Variants in GOLGA8O observed in about 807,000 individuals in gnomAD.
The protein encoded by GOLGA8O is golgin subfamily A member 8O.
A neutral mutation model predicts 29.7 loss-of-function variants in GOLGA8O; 4 were observed. The observed-to-expected ratio is 0.13, with a 90% CI of 0.07 to 0.31. The LOEUF (loss-of-function observed/expected upper bound fraction) is 0.31, where lower values mean the gene tolerates loss of function less well. Ranked by LOEUF, GOLGA8O falls within the 10% of genes least tolerant of loss-of-function variation. The probability of loss-of-function intolerance (pLI) is 1.00; values close to 1 mark genes in which losing one functional copy is unlikely to be tolerated. For missense variants in GOLGA8O, 32 were observed against 216.5 expected (o/e 0.15, Z 5.35); for synonymous variants, 6 against 78.0 (o/e 0.08, Z 4.87).
intron 1 of GOLGA8O, among the ~76,000 whole-genome samples, chr15:32,454,575 GA>G (rs1334827900): frequency 7.2e-6 from 1 of 138,434 alleles, no homozygotes; most frequent in Non-Finnish European, 1.5e-5. Context: ...CAGAACCATG[GA>G]GAATTAGAAT....
At chr15:32,459,287 G>A (rs1218149472), upstream of GOLGA8O, among the ~76,000 whole-genome samples, 1 of 78,966 alleles carries the variant, frequency 1.3e-5, no homozygotes, top group Non-Finnish European at 2.7e-5. Context: ...GAGCGAAACT[G>A]GGTCTCAAAA....
At chr15:32,458,635 T>TTATG (rs1355805294), upstream of GOLGA8O, among the ~76,000 whole-genome samples, 1 of 95,740 alleles carries the variant, frequency 1.0e-5, no homozygotes, top group African/African-American at 4.5e-5. Context: ...TTATTTTTAT[T>TTATG]TATTTATTTA....
upstream of GOLGA8O, among the ~76,000 whole-genome samples, chr15:32,457,021 T>G (rs1274262469): frequency 1.2e-3 from 47 of 40,204 alleles, no homozygotes; most frequent in Middle Eastern, 0.013. Context: ...CATGTTCATT[T>G]TTTTTTTTTT....
upstream of GOLGA8O, among the ~76,000 whole-genome samples, chr15:32,459,293 CAA>C (rs1278269909): frequency 4.9e-5 from 2 of 40,484 alleles, no homozygotes; most frequent in Admixed American, 2.9e-4. Context: ...AACTGGGTCT[CAA>C]AAAAAAAAAA....
chr15:32,460,592 TGA>T (rs2055220034), upstream of GOLGA8O, among the ~76,000 whole-genome samples: 1 of 89,712 alleles, frequency 1.1e-5, no homozygotes, highest in Non-Finnish European at 2.3e-5. Flanking sequence ...GGGTAGAATA[TGA>T]GAGACGTGAA....
At chr15:32,451,510 G>C (rs1209254620) in intron 5 of GOLGA8O, 91 bp downstream of exon 5, 1 of 1,595,666 alleles carries the variant, frequency 6.3e-7, no homozygotes, top group Non-Finnish European at 8.5e-7. Context: ...TCTTCCCCAA[G>C]CTGGGAGTGG....
At chr15:32,451,061 T>C (rs2648136) in intron 7 of GOLGA8O, 39 bp from the exon 8 acceptor site, 33,361 of 1,128,718 alleles carry the variant, frequency 0.03, 16,165 homozygotes, top group South Asian at 0.079. Flanking sequence ...AAAGGACTCC[T>C]CCTGAAGACC....
At position 32,451,559 on chromosome 15, in the gene GOLGA8O, C is replaced by T. The variant is rs570282440; in HGVS notation, c.348+42G>A. On this transcript the variant is annotated intron_variant, in intron 5 of 18. Transcript: ENST00000509311. ...GGGGCCTGTATGTCTGAGTGCCCCC[C>T]AAACCCAGCAGTCATGTCGCGAGGA... The T allele has an allele frequency of 1.6e-5, 26 of 1,593,350 alleles. 2 individuals carry two copies. The highest frequency in any genetic ancestry group is 1.2e-4 in the South Asian group (11 of 90,660).
In GOLGA8O at chr15:32,452,553, C is replaced by G. The variant is rs1566992064; in HGVS notation, c.247G>C (p.Ala83Pro). ...ACGGACGTTGAATCCAGGACTACTG[C>G]TCGTTCTTGGCACGGGCTCTGAGGT... ...KDLESPCQERAVVLDSTSVKI... is the reference protein window; with the variant it reads ...KDLESPCQERPVVLDSTSVKI... The change falls in exon 4 of 19, where the codon GCA becomes CCA. Residue 83 changes from alanine to proline, a missense_variant. Physicochemically the swap from Ala to Pro is conservative, Grantham distance 27. Coordinates refer to ENST00000509311, the MANE Select transcript of GOLGA8O (RefSeq NM_001277308.1). The G allele has an allele frequency of 2.0e-6, 2 of 1,023,282 alleles. No homozygotes were observed. Among genetic ancestry groups the G allele is most frequent in the Non-Finnish European group, 2.7e-6 (2 of 748,778 alleles). The allele number at this position is 1,023,282 out of a possible 1,614,324, so 63.4% of individuals were successfully genotyped here.
In GOLGA8O at chr15:32,451,025, G is replaced by C; in HGVS notation, c.482-3C>G. On this transcript the variant is annotated splice_region_variant and splice_polypyrimidine_tract_variant and intron_variant, in intron 7 of 18. Coordinates refer to ENST00000509311, the MANE Select transcript of GOLGA8O (RefSeq NM_001277308.1). ...GACAGCCAGGTCCTTGGACTCTTCT[G>C]TAATGAGAGAGTTGAGATGGGGCCC... 1.6e-6 allele frequency: 2 copies of C among 1,285,434 alleles called. No individual in the cohort carries two copies. The highest frequency in any genetic ancestry group is 2.1e-6 in the Non-Finnish European group (2 of 942,264). The allele number at this position is 1,285,434 out of a possible 1,614,324, so 79.6% of individuals were successfully genotyped here.
rs2055142719 is a variant in GOLGA8O at position 32,452,489 on chromosome 15, AC to A, written c.309+1del. 1 of 580,894 alleles carries A rather than the reference AC, an allele frequency of 1.7e-6. No individual in the cohort carries two copies. Among genetic ancestry groups the A allele is most frequent in the African/African-American group, 4.9e-5 (1 of 20,322 alleles). The allele number at this position is 580,894 out of a possible 1,614,324, so 36.0% of individuals were successfully genotyped here. A position where few individuals can be genotyped will look rare whatever the true frequency, so the allele number is the denominator to read the frequency against. On this transcript the variant is annotated splice_donor_variant, in intron 4 of 18. Transcript: ENST00000509311. LOFTEE classifies it high-confidence loss of function. Reference sequence around the variant, plus strand: ...AATCAGGGGACCCCACCGGACTCTTACCAAAGATTTGATGGTGTTCTTCAGT... The same window carrying A: ...AATCAGGGGACCCCACCGGACTCTTACAAAGATTTGATGGTGTTCTTCAGT...
Position 32,451,017 on chromosome 15 carries a change from A to T in GOLGA8O, c.487T>A (p.Ser163Thr). The stretch of plus-strand genomic sequence containing the variant: ...TGCAGGCGGACAGCCAGGTCCTTGG[A>T]CTCTTCTGTAATGAGAGAGTTGAGA... The part of the protein sequence containing the change: ...ERSLRYFEEE[S>T]KDLAVRLQHS... The change falls in exon 8 of 19, where the codon TCC becomes ACC. Residue 163 changes from serine (S) to threonine (T), a missense_variant. Coordinates refer to ENST00000509311, the MANE Select transcript of GOLGA8O (RefSeq NM_001277308.1). The T allele has an allele frequency of 7.5e-7, 1 of 1,326,010 alleles. No homozygotes were observed. The highest frequency in any genetic ancestry group is 1.0e-6 in the Non-Finnish European group (1 of 975,714). The allele number at this position is 1,326,010 out of a possible 1,614,324, so 82.1% of individuals were successfully genotyped here.
chr15:32,450,732 A>G (rs1362767777), intron 8 of GOLGA8O, among the ~76,000 whole-genome samples, 181 bp downstream of exon 8: 13 of 152,032 alleles, frequency 8.6e-5, no homozygotes, highest in African/African-American at 3.1e-4. Flanking sequence ...AGTACCCCCC[A>G]ACTCACCCAC....
chr15:32,458,409 A>G (rs1349875012), upstream of GOLGA8O, among the ~76,000 whole-genome samples: 6 of 100,264 alleles, frequency 6.0e-5, 1 homozygote, highest in Admixed American at 2.7e-4. Flanking sequence ...CCATCTCCTT[A>G]AACAGAACCC....
Position 32,451,492 on chromosome 15 carries a change from G to T in GOLGA8O, c.348+109C>A. On this transcript the variant is annotated intron_variant, in intron 5 of 18. Coordinates refer to ENST00000509311, the MANE Select transcript of GOLGA8O (RefSeq NM_001277308.1). ...GTGGGGATGGGGTGGAATCTGAGGGGTGAGCCTTCTTCCCCAAGCTGGGAG... is the reference window on the plus strand; with the variant it reads ...GTGGGGATGGGGTGGAATCTGAGGGTTGAGCCTTCTTCCCCAAGCTGGGAG... The T allele has an allele frequency of 6.3e-6, 10 of 1,579,678 alleles. 1 individual carries two copies. The highest frequency in any genetic ancestry group is 8.6e-6 in the Non-Finnish European group (10 of 1,162,496).
At chr15:32,450,697 T>C (rs1211033229) in intron 8 of GOLGA8O, among the ~76,000 whole-genome samples, 1 of 152,132 alleles carries the variant, frequency 6.6e-6, no homozygotes, top group Non-Finnish European at 1.5e-5. Flanking sequence ...GCCTCCAAGC[T>C]CTGCGTCCAG....
intron 7 of GOLGA8O, 38 bp from the exon 8 acceptor site, chr15:32,451,060 CT>C: frequency 1.7e-6 from 2 of 1,186,800 alleles, no homozygotes; most frequent in Non-Finnish European, 2.3e-6. Context: ...CAAAGGACTC[CT>C]CCTGAAGACC....
At chr15:32,461,054 AG>A in the GOLGA8O span, among the ~76,000 whole-genome samples, 3 of 46,312 alleles carry the variant, frequency 6.5e-5, no homozygotes, top group Non-Finnish European at 8.9e-5. Flanking sequence ...ACTGTTACAA[AG>A]GATCTAGAGA....
chr15:32,455,589 AG>A lies in GOLGA8O; in HGVS notation c.-54del, dbSNP rs2055181955. The A allele has an allele frequency of 2.1e-6, 1 of 470,012 alleles. No homozygotes were observed. Among genetic ancestry groups the A allele is most frequent in the South Asian group, 2.3e-5 (1 of 43,044 alleles). 29.1% of individuals were successfully genotyped at this position (470,012 alleles called of 1,614,324 possible). On this transcript the variant is annotated 5_prime_UTR_variant, in exon 1 of 19. Transcript: ENST00000509311. ...GGGCCACAGCAGCAAAATCCCAATA[AG>A]AACCGATCAAGGCCTCCAGTCACCT...
Sources: allele counts gnomAD v4.1 joint callset (sites outside exome capture counted in the v4.1 genomes callset), GRCh38; gene constraint gnomAD v4.1.1; transcripts MANE v1.5; gene names NCBI Gene and HGNC (gene_info 2026-07-23, HGNC 2026-07-21).